SLC27A3: variants seen among roughly 807,000 people sequenced by gnomAD.
SLC27A3 encodes the protein solute carrier family 27 member 3.
Under a neutral mutation model 60.1 loss-of-function variants are expected in SLC27A3, and 60 were observed. That is an observed-to-expected ratio of 1.00 (90% CI 0.81 to 1.24). The LOEUF (loss-of-function observed/expected upper bound fraction) is 1.24, where lower values mean the gene tolerates loss of function less well. Ranked by LOEUF, SLC27A3 falls within the 50% of genes most tolerant of loss-of-function variation. The pLI, the probability that SLC27A3 is intolerant of heterozygous loss-of-function variation, is 0.00. For missense variants in SLC27A3, 1,079 were observed against 929.9 expected (o/e 1.16, Z -2.09); for synonymous variants, 455 against 409.0 (o/e 1.11, Z -1.36).
rs761581765 is a variant in SLC27A3, at chr1:153,778,819, G to A, written c.1580G>A (p.Gly527Glu). The part of the protein sequence containing the change: ...FRPGDVFFNT[G>E]DLLVCDDQGF... ...CCTGGGGATGTTTTCTTCAACACTG[G>A]GGACCTGCTGGTCTGCGATGACCAA... Residue 527 changes from glycine (G) to glutamate (E), a missense_variant, in exon 7 of 10, where the codon GGG (glycine) becomes GAG (glutamate). Physicochemically the swap from Gly to Glu is moderately conservative, Grantham distance 98. Coordinates refer to ENST00000624995, the MANE Select transcript of SLC27A3 (RefSeq NM_024330.4). 3.6e-5 allele frequency: 58 copies of A among 1,614,036 alleles called. 1 individual carries two copies. The South Asian group carries it at 4.1e-4, about 11-fold the overall frequency.
In SLC27A3 at chr1:153,776,497, TG is replaced by T. The variant is rs1558019406; in HGVS notation, c.668-20del. On this transcript the variant is annotated intron_variant, in intron 1 of 9. Transcript: ENST00000624995. Reference sequence around the variant, plus strand: ...CTAGGTAGAGCCAGGGCCCCGGCGTTGTGCTTTCCCACCCTTCTAGAGTTTC... The same window carrying T: ...CTAGGTAGAGCCAGGGCCCCGGCGTTTGCTTTCCCACCCTTCTAGAGTTTC... 6.2e-7 allele frequency: 1 copy of T among 1,606,522 alleles called. No homozygotes were observed. The highest frequency in any genetic ancestry group is 1.7e-5 in the Admixed American group (1 of 59,568).
rs777253486 is a variant in SLC27A3 at position 153,775,977 on chromosome 1, C to A, written c.480C>A (p.Ala160=). Residue 160 remains alanine (A), a synonymous_variant, in exon 1 of 10, where the codon GCC becomes GCA. Transcript: ENST00000624995. ...ACGGTGCCGCCAGAGGTGGAGGAGCCGCCGCCCCTCTGTCACCTGGAGCAA... is the reference window on the plus strand; with the variant it reads ...ACGGTGCCGCCAGAGGTGGAGGAGCAGCCGCCCCTCTGTCACCTGGAGCAA... ...GGDGAARGGG[A]AAPLSPGATV... 19 of 1,440,056 alleles carry A rather than the reference C, an allele frequency of 1.3e-5. No homozygotes were observed. Among genetic ancestry groups the A allele is most frequent in the Middle Eastern group, 2.3e-4 (1 of 4,406 alleles). 89.2% of individuals were successfully genotyped at this position (1,440,056 alleles called of 1,614,324 possible). A position where few individuals can be genotyped will look rare whatever the true frequency, so the allele number is the denominator to read the frequency against.
chr1:153,777,177 C>T lies in SLC27A3; in HGVS notation c.993C>T (p.His331=), dbSNP rs1673275485. The T allele has an allele frequency of 1.2e-6, 2 of 1,614,296 alleles. No homozygotes were observed. Among genetic ancestry groups the T allele is most frequent in the East Asian group, 2.2e-5 (1 of 44,894 alleles). ...DVIYLALPLY[H]MSGSLLGIVG... ...TCTACCTCGCCCTCCCACTCTACCA[C>T]ATGTCCGGTTCCCTGCTGGGCATCG... The change falls in exon 3 of 10, where the codon CAC becomes CAT. Residue 331 remains histidine, a synonymous_variant. Transcript: ENST00000624995.
rs868615643 is a variant in SLC27A3, at chr1:153,775,460, G to A, written c.-38G>A. Reference sequence around the variant, plus strand: ...GGAGGATCAGGGATGTTTGCGAGCGGCTGGAACCAGACGGTGCCGATAGAG... The same window carrying A: ...GGAGGATCAGGGATGTTTGCGAGCGACTGGAACCAGACGGTGCCGATAGAG... On this transcript the variant is annotated 5_prime_UTR_variant, in exon 1 of 10. Transcript: ENST00000624995. 6.2e-7 allele frequency: 1 copy of A among 1,612,738 alleles called. No individual in the cohort carries two copies. Among genetic ancestry groups the A allele is most frequent in the South Asian group, 1.1e-5 (1 of 91,088 alleles).
At position 153,778,142 on chromosome 1, in the gene SLC27A3, C is replaced by T; in HGVS notation, c.1162-19C>T. ...GCATCTTGATGCTGAAGCTCCGGCC[C>T]CTCTCCCACTCATCTCAGAGCAAGG... On this transcript the variant is annotated intron_variant, in intron 4 of 9. Coordinates refer to ENST00000624995, the MANE Select transcript of SLC27A3 (RefSeq NM_024330.4). The T allele has an allele frequency of 6.3e-7, 1 of 1,591,046 alleles. No individual in the cohort carries two copies. Among genetic ancestry groups the T allele is most frequent in the Non-Finnish European group, 8.5e-7 (1 of 1,172,540 alleles).
At position 153,779,286 on chromosome 1, in the gene SLC27A3, G is replaced by A. The variant is rs182041772; in HGVS notation, c.1745-57G>A. 277 of 1,613,826 alleles carry A rather than the reference G, an allele frequency of 1.7e-4. No homozygotes were observed. In the East Asian group the frequency reaches 2.6e-3, roughly 15 times the overall value. On this transcript the variant is annotated intron_variant, in intron 8 of 9. Coordinates refer to ENST00000624995, the MANE Select transcript of SLC27A3 (RefSeq NM_024330.4). ...GGTAGTACTTGGGCGCAGGGAGCAC[G>A]AGGCCTTCGTGGTGGTCAGCCATGG...
At position 153,779,823 on chromosome 1, in the gene SLC27A3, C is replaced by G; in HGVS notation, c.1876-3C>G. ...TCCAAATCCCTGACCCTCCTGTCCC[C>G]AGGAGTCTTTGGCCACCACAGAGAC... On this transcript the variant is annotated splice_region_variant and splice_polypyrimidine_tract_variant and intron_variant, in intron 9 of 9. Coordinates refer to ENST00000624995, the MANE Select transcript of SLC27A3 (RefSeq NM_024330.4). 1 of 1,613,604 alleles carries G rather than the reference C, an allele frequency of 6.2e-7. No homozygotes were observed. The highest frequency in any genetic ancestry group is 8.5e-7 in the Non-Finnish European group (1 of 1,179,722).
chr1:153,776,961 C>T (rs1191631673), intron 2 of SLC27A3, 101 bp from the exon 3 acceptor site: 7 of 1,336,040 alleles, frequency 5.2e-6, no homozygotes, highest in Non-Finnish European at 7.4e-6. Context: ...TTCTGTCCTG[C>T]CTCCGCCTCT....
intron 3 of SLC27A3, 186 bp from the exon 4 acceptor site, chr1:153,777,575 A>G: frequency 5.5e-6 from 4 of 726,316 alleles, no homozygotes; most frequent in South Asian, 5.1e-5. Flanking sequence ...ACCTCTTCTA[A>G]GGCTGGGGAC....
chr1:153,777,369 C>T (rs1570899497), intron 3 of SLC27A3, 149 bp downstream of exon 3: 3 of 955,372 alleles, frequency 3.1e-6, no homozygotes, highest in East Asian at 5.0e-5. Context: ...AGGGCAATGT[C>T]ACCTGCCTAG....
chr1:153,776,090 C>A lies in SLC27A3; in HGVS notation c.593C>A (p.Pro198His), dbSNP rs1186313389. Residue 198 changes from proline (P) to histidine (H), a missense_variant, in exon 1 of 10, where the codon CCC becomes CAC. Transcript: ENST00000624995. ...GCCGGCCTGCGCACTGCCTTTGTGC[C>A]CACCGCCCTGCGCCGGGGCCCCCTG... is the stretch of plus-strand genomic sequence containing the variant. The part of the protein sequence containing the change: ...AKAGLRTAFV[P>H]TALRRGPLLH... 2.0e-6 allele frequency: 3 copies of A among 1,484,426 alleles called. No individual in the cohort carries two copies. Among genetic ancestry groups the A allele is most frequent in the Non-Finnish European group, 2.7e-6 (3 of 1,131,344 alleles). The allele number at this position is 1,484,426 out of a possible 1,614,324, so 92.0% of individuals were successfully genotyped here.
Position 153,779,144 on chromosome 1 carries a change from G to A in SLC27A3, c.1677G>A (p.Glu559=). ...RWKGENVATT[E]VAEVFEALDF... ...AGGGGGAGAATGTGGCCACAACCGAGGTGGCAGAGGTCTTCGAGGCCCTAG... is the reference window on the plus strand; with the variant it reads ...AGGGGGAGAATGTGGCCACAACCGAAGTGGCAGAGGTCTTCGAGGCCCTAG... The change falls in exon 8 of 10, where the codon GAG becomes GAA. Residue 559 remains glutamate, a synonymous_variant. Coordinates refer to ENST00000624995, the MANE Select transcript of SLC27A3 (RefSeq NM_024330.4). 6.2e-7 allele frequency: 1 copy of A among 1,614,168 alleles called. No individual in the cohort carries two copies. Among genetic ancestry groups the A allele is most frequent in the African/African-American group, 1.3e-5 (1 of 75,046 alleles).
At position 153,779,488 on chromosome 1, in the gene SLC27A3, C is replaced by A. The variant is rs146389904; in HGVS notation, c.1875+15C>A. ...TCAGGCTCCAGGTAACCGGCCACTT[C>A]CCCCGCCGGCCCCTCACCCCATATA... On this transcript the variant is annotated intron_variant, in intron 9 of 9. Transcript: ENST00000624995. 58 of 1,607,642 alleles carry A rather than the reference C, an allele frequency of 3.6e-5. No homozygotes were observed. In the East Asian group the frequency reaches 1.3e-3, roughly 35 times the overall value.
In SLC27A3 at chr1:153,775,670, C is replaced by T. The variant is rs1460738673; in HGVS notation, c.173C>T (p.Pro58Leu). 3.9e-6 allele frequency: 6 copies of T among 1,534,066 alleles called. No individual in the cohort carries two copies. In the Admixed American group the frequency reaches 1.2e-4, roughly 30 times the overall value. Reference sequence around the variant, plus strand: ...GCCCTGGCCGCGGCTGCCGCCGACCCGGAAGGTCCCGAGGGGGGCTGCAGC... The same window carrying T: ...GCCCTGGCCGCGGCTGCCGCCGACCTGGAAGGTCCCGAGGGGGGCTGCAGC... ...ARALAAAAADPEGPEGGCSLA... is the reference protein window; with the variant it reads ...ARALAAAAADLEGPEGGCSLA... The change falls in exon 1 of 10, where the codon CCG (proline) becomes CTG (leucine). Residue 58 changes from proline to leucine, a missense_variant. By Grantham distance (98) the Pro-to-Leu change is moderately conservative. Transcript: ENST00000624995.
intron 2 of SLC27A3, 97 bp downstream of exon 2, chr1:153,776,824 G>A: frequency 8.2e-7 from 1 of 1,216,630 alleles, no homozygotes; most frequent in Admixed American, 2.1e-5. Flanking sequence ...CAGAGAGGAT[G>A]CTGATTTCAT....
At chr1:153,776,812 C>G (rs1312006171) in intron 2 of SLC27A3, 85 bp downstream of exon 2, 2 of 1,317,492 alleles carry the variant, frequency 1.5e-6, no homozygotes, top group Non-Finnish European at 2.1e-6. Context: ...CTTCAAAGCC[C>G]CCAGAGAGGA....
intron 7 of SLC27A3, 90 bp from the exon 8 acceptor site, chr1:153,779,024 C>G: frequency 6.8e-7 from 1 of 1,476,692 alleles, no homozygotes. Context: ...CATTTCATCC[C>G]TGTGACACTG....
At chr1:153,779,273 G>A in intron 8 of SLC27A3, 62 bp downstream of exon 8, 3 of 1,613,994 alleles carry the variant, frequency 1.9e-6, no homozygotes, top group South Asian at 1.1e-5. Context: ...TAGTACTTGG[G>A]CGCAGGGAGC....
In SLC27A3 at chr1:153,780,155, A is replaced by G. The variant is rs1673467850; in HGVS notation, c.*153A>G. 3.0e-6 allele frequency: 2 copies of G among 675,470 alleles called. No individual in the cohort carries two copies. The highest frequency in any genetic ancestry group is 2.9e-5 in the Admixed American group (1 of 34,114). 41.8% of individuals were successfully genotyped at this position (675,470 alleles called of 1,614,324 possible). A position where few individuals can be genotyped will look rare whatever the true frequency, so the allele number is the denominator to read the frequency against. On this transcript the variant is annotated 3_prime_UTR_variant, in exon 10 of 10. Transcript: ENST00000624995. Reference sequence around the variant, plus strand: ...GAGCTGATCCAGCTGTCTCTGACCTACAGTATCTGTCATTATCTCTCTGTG... The same window carrying G: ...GAGCTGATCCAGCTGTCTCTGACCTGCAGTATCTGTCATTATCTCTCTGTG...
Sources: gnomAD v4.1 joint callset for allele counts on GRCh38, gnomAD v4.1.1 for gene constraint, MANE v1.5 for transcripts, NCBI Gene and HGNC (gene_info 2026-07-23, HGNC 2026-07-21) for gene names.